Variants in ATXN10 observed in about 807,000 individuals in gnomAD.
The protein encoded by ATXN10 is ataxin-10.
A neutral mutation model predicts 52.9 loss-of-function variants in ATXN10; 28 were observed. The observed-to-expected ratio is 0.53, with a 90% CI of 0.39 to 0.73. ATXN10 has a LOEUF of 0.73. Among genes scored for constraint, ATXN10 ranks in the 30% least tolerant of loss-of-function variants. The pLI, the probability that ATXN10 is intolerant of heterozygous loss-of-function variation, is 0.00. For synonymous variants in ATXN10, 226 were observed against 221.5 expected (o/e 1.02, Z -0.18); for missense variants, 565 against 577.0 (o/e 0.98, Z 0.21).
At chr22:45,742,709 C>T (rs1295815779) in intron 9 of ATXN10, among the ~76,000 whole-genome samples, 3 of 152,068 alleles carry the variant, frequency 2.0e-5, no homozygotes, top group East Asian at 1.9e-4. Flanking sequence ...GTTATGTAGC[C>T]GTTGATAGCT....
chr22:45,689,553 T>C (rs548310459), intron 1 of ATXN10, 159 bp from the exon 2 acceptor site: 8 of 654,226 alleles, frequency 1.2e-5, no homozygotes, highest in African/African-American at 1.1e-4. Context: ...AAGTGCTCAA[T>C]ATGTGTAGAT....
rs931282537 is a variant in ATXN10, at chr22:45,762,934, A to G, written c.1173+22396A>G. On this transcript the variant is annotated intron_variant, in intron 9 of 11. Coordinates refer to ENST00000252934, the MANE Select transcript of ATXN10 (RefSeq NM_013236.4). This position sits in a 1 kb window ranked among gnomAD's most constrained non-coding sequence, Gnocchi z 4.3. The stretch of plus-strand genomic sequence containing the variant: ...GAGGCATCACCTAGGGGCTTGTCTG[A>G]GATGCAGAGTCTCAGGCTCTACCCC... Among the ~76,000 whole-genome samples, 13 of 152,168 alleles carry G rather than the reference A, an allele frequency of 8.5e-5. No individual in the cohort carries two copies. Among genetic ancestry groups the G allele is most frequent in the African/African-American group, 3.1e-4 (13 of 41,450 alleles).
chr22:45,769,702 A>G lies in ATXN10; in HGVS notation c.1173+29164A>G, dbSNP rs549722651. ...TAGGACCTTGAAGCCAGCCTTGGGC[A>G]TCTTCCTGGCCAGGAGCCAGGCCTC... On this transcript the variant is annotated intron_variant, in intron 9 of 11. Coordinates refer to ENST00000252934, the MANE Select transcript of ATXN10 (RefSeq NM_013236.4). This position sits in a 1 kb window ranked among gnomAD's most constrained non-coding sequence, Gnocchi z 4.2. 6.6e-6 allele frequency among the ~76,000 whole-genome samples: 1 copy of G among 152,186 alleles called. No individual in the cohort carries two copies.
At chr22:45,686,244 G>C (rs1341710523) in intron 1 of ATXN10, among the ~76,000 whole-genome samples, 1 of 152,070 alleles carries the variant, frequency 6.6e-6, no homozygotes, top group East Asian at 1.9e-4. Context: ...ATGCAGTCAG[G>C]GGCCACTTTT....
At position 45,805,753 on chromosome 22, in the gene ATXN10, A is replaced by G. The variant is rs886275529; in HGVS notation, c.1174-1206A>G. ...GTGGAGTTTCTTTTAGGGGTGAGGA[A>G]AATGTTGGAAAATTGGATCATGCTA... On this transcript the variant is annotated intron_variant, in intron 9 of 11. Coordinates refer to ENST00000252934, the MANE Select transcript of ATXN10 (RefSeq NM_013236.4). The surrounding 1 kb of genome is among the most constrained non-coding windows in gnomAD (Gnocchi z 4.4). Among the ~76,000 whole-genome samples the G allele has an allele frequency of 1.3e-5, 2 of 152,148 alleles. No individual in the cohort carries two copies. Among genetic ancestry groups the G allele is most frequent in the East Asian group, 1.9e-4 (1 of 5,202 alleles).
intron 9 of ATXN10, among the ~76,000 whole-genome samples, chr22:45,794,170 C>T (rs1457463418): frequency 6.6e-6 from 1 of 152,084 alleles, no homozygotes; most frequent in Non-Finnish European, 1.5e-5. Flanking sequence ...AAATGGCTTC[C>T]ACCCCTGACC....
intron 8 of ATXN10, among the ~76,000 whole-genome samples, chr22:45,739,093 T>TA (rs1925412465): frequency 6.6e-6 from 1 of 152,192 alleles, no homozygotes; most frequent in Non-Finnish European, 1.5e-5. Context: ...CAATGCCTGT[T>TA]ATGCATATAG....
chr22:45,830,115 G>A (rs1473195221), intron 10 of ATXN10, among the ~76,000 whole-genome samples: 1 of 152,222 alleles, frequency 6.6e-6, no homozygotes, highest in Non-Finnish European at 1.5e-5. Flanking sequence ...CCATTCAGTG[G>A]AGAAAGCGCA....
At position 45,690,962 on chromosome 22, in the gene ATXN10, G is replaced by A. The variant is rs1923349359; in HGVS notation, c.308+1059G>A. Among the ~76,000 whole-genome samples the A allele has an allele frequency of 1.3e-5, 2 of 152,174 alleles. No individual in the cohort carries two copies. Among genetic ancestry groups the A allele is most frequent in the Admixed American group, 1.3e-4 (2 of 15,284 alleles). On this transcript the variant is annotated intron_variant, in intron 2 of 11. Transcript: ENST00000252934. The surrounding 1 kb of genome is among the most constrained non-coding windows in gnomAD (Gnocchi z 4.5). ...CACTGTGACGGGTAAGCTTGGGCTG[G>A]TCCAGAAGCCACTTGAGGGACTCCC...
intron 7 of ATXN10, among the ~76,000 whole-genome samples, chr22:45,730,217 G>T (rs1240680100): frequency 6.6e-6 from 1 of 151,648 alleles, no homozygotes; most frequent in Non-Finnish European, 1.5e-5. Context: ...GGTGGCACAT[G>T]CCTATAGACC....
At chr22:45,704,537 A>G (rs1923965517) in intron 5 of ATXN10, among the ~76,000 whole-genome samples, 2 of 151,990 alleles carry the variant, frequency 1.3e-5, no homozygotes, top group Admixed American at 1.3e-4. Flanking sequence ...ATTCTTTTTG[A>G]TGGTATTGCA....
intron 5 of ATXN10, among the ~76,000 whole-genome samples, chr22:45,714,973 G>A (rs908452718): frequency 2.0e-5 from 3 of 152,054 alleles, no homozygotes; most frequent in Admixed American, 6.5e-5. Context: ...CTTCTCCTCC[G>A]TCCTTGCCCT....
chr22:45,792,729 T>A (rs377183716), intron 9 of ATXN10: 38 of 417,710 alleles, frequency 9.1e-5, no homozygotes, highest in South Asian at 6.9e-4. Context: ...TTTTTTATTT[T>A]TAACTATAAA....
At position 45,702,948 on chromosome 22, in the gene ATXN10, C is replaced by T. The variant is rs1194623563; in HGVS notation, c.647+101C>T. The stretch of plus-strand genomic sequence containing the variant: ...AAATTTGGACATTGTGATAATTGAA[C>T]GATAAGTTAAAACTTAACATGTGTT... On this transcript the variant is annotated intron_variant, in intron 5 of 11. Coordinates refer to ENST00000252934, the MANE Select transcript of ATXN10 (RefSeq NM_013236.4). 1.2e-5 allele frequency: 17 copies of T among 1,431,604 alleles called. No homozygotes were observed. The Admixed American group carries it at 1.2e-4, about 10-fold the overall frequency. The allele number at this position is 1,431,604 out of a possible 1,614,324, so 88.7% of individuals were successfully genotyped here.
chr22:45,832,096 C>T (rs1267946143), intron 10 of ATXN10, among the ~76,000 whole-genome samples: 1 of 152,150 alleles, frequency 6.6e-6, no homozygotes, highest in African/African-American at 2.4e-5. Context: ...TTATTCTCAC[C>T]ATTATGGACT....
chr22:45,827,344 C>T (rs1182741066), intron 10 of ATXN10, among the ~76,000 whole-genome samples: 1 of 152,046 alleles, frequency 6.6e-6, no homozygotes, highest in African/African-American at 2.4e-5. Context: ...ATGGATCAAG[C>T]TGTGTAATCA....
At position 45,843,816 on chromosome 22, in the gene ATXN10, G is replaced by T; in HGVS notation, c.*145G>T. ...TCTTTTAGGTAGTAGAGTTTAACGT[G>T]TATAAGCTAAAAGTGAAAGTAACTG... On this transcript the variant is annotated 3_prime_UTR_variant, in exon 12 of 12. Coordinates refer to ENST00000252934, the MANE Select transcript of ATXN10 (RefSeq NM_013236.4). This position sits in a 1 kb window ranked among gnomAD's most constrained non-coding sequence, Gnocchi z 4.5. 1.3e-6 allele frequency: 1 copy of T among 754,084 alleles called. No homozygotes were observed. 46.7% of individuals were successfully genotyped at this position (754,084 alleles called of 1,614,324 possible). A position where few individuals can be genotyped will look rare whatever the true frequency, so the allele number is the denominator to read the frequency against.
intron 1 of ATXN10, 76 bp from the exon 2 acceptor site, chr22:45,689,636 A>G (rs1161339481): frequency 7.4e-7 from 1 of 1,344,456 alleles, no homozygotes; most frequent in African/African-American, 1.4e-5. Context: ...TAGTAGATAA[A>G]AGCAGTTTTC....
chr22:45,750,248 A>G lies in ATXN10; in HGVS notation c.1173+9710A>G, dbSNP rs1251354450. Among the ~76,000 whole-genome samples the G allele has an allele frequency of 1.3e-5, 2 of 151,788 alleles. No homozygotes were observed. The highest frequency in any genetic ancestry group is 4.8e-5 in the African/African-American group (2 of 41,306). On this transcript the variant is annotated intron_variant, in intron 9 of 11. Coordinates refer to ENST00000252934, the MANE Select transcript of ATXN10 (RefSeq NM_013236.4). This position sits in a 1 kb window ranked among gnomAD's most constrained non-coding sequence, Gnocchi z 4.2. ...TAGCTGGTACTAGAGGTATGTCACC[A>G]CACCTGGCAAATTTTTGTATTTTTT...
Sources: allele counts gnomAD v4.1 joint callset (sites outside exome capture counted in the v4.1 genomes callset), GRCh38; gene constraint gnomAD v4.1.1; non-coding constraint Gnocchi (gnomAD v3.1); transcripts MANE v1.5; gene names NCBI Gene and HGNC (gene_info 2026-07-23, HGNC 2026-07-21).